Variants in SLCO4A1 observed in about 807,000 individuals in gnomAD.
The protein encoded by SLCO4A1 is colon organic anion transporter.
SLCO4A1 carries 51 observed loss-of-function variants against 64.6 expected under a neutral mutation model. The observed-to-expected ratio is 0.79, with a 90% CI of 0.63 to 1.00. The LOEUF is 1.00. Among genes scored for constraint, SLCO4A1 ranks in the 50% least tolerant of loss-of-function variants. The pLI is 0.00. For missense variants in SLCO4A1, 919 were observed against 980.5 expected (o/e 0.94, Z 0.84); for synonymous variants, 471 against 444.9 (o/e 1.06, Z -0.74).
intron 2 of SLCO4A1, among the ~76,000 whole-genome samples, chr20:62,680,646 T>C (rs998584695): frequency 4.6e-5 from 7 of 151,984 alleles, no homozygotes; most frequent in East Asian, 3.9e-4. Flanking sequence ...AATCCCACAG[T>C]AGATCTTCAG....
downstream of SLCO4A1, among the ~76,000 whole-genome samples, chr20:62,677,194 T>A (rs1457868953): frequency 6.6e-6 from 1 of 152,212 alleles, no homozygotes; most frequent in African/African-American, 2.4e-5. Context: ...AGTGATGAAA[T>A]GTTCTGGAGT....
At chr20:62,655,929 C>T (rs576064621) in intron 1 of SLCO4A1, among the ~76,000 whole-genome samples, 13 of 152,322 alleles carry the variant, frequency 8.5e-5, no homozygotes, top group African/African-American at 2.9e-4. Context: ...TGGCAGGGGA[C>T]GTGGCTGACA....
Position 62,672,085 on chromosome 20 carries a change from C to A in SLCO4A1, c.*192C>A. On this transcript the variant is annotated 3_prime_UTR_variant, in exon 12 of 12. Transcript: ENST00000217159. ...CCCTGCAGTGGGTGGGAGGAACTTGCATAAATATATATTTATGGACACACA... is the reference window on the plus strand; with the variant it reads ...CCCTGCAGTGGGTGGGAGGAACTTGAATAAATATATATTTATGGACACACA... 6.8e-7 allele frequency: 1 copy of A among 1,461,200 alleles called. No homozygotes were observed. The highest frequency in any genetic ancestry group is 1.4e-5 in the South Asian group (1 of 73,238). The allele number at this position is 1,461,200 out of a possible 1,614,324, so 90.5% of individuals were successfully genotyped here.
downstream of SLCO4A1, among the ~76,000 whole-genome samples, chr20:62,686,152 C>T (rs191936547): frequency 2.0e-5 from 3 of 152,304 alleles, no homozygotes; most frequent in East Asian, 1.9e-4. Context: ...CCCATGGAGA[C>T]GGCTCAGAAT....
At chr20:62,689,281 G>A (rs1257112431), downstream of SLCO4A1, among the ~76,000 whole-genome samples, 2 of 149,978 alleles carry the variant, frequency 1.3e-5, no homozygotes, top group African/African-American at 5.0e-5. Flanking sequence ...GCCTGTCCCC[G>A]GCTGTGCCCC....
downstream of SLCO4A1, among the ~76,000 whole-genome samples, chr20:62,688,736 G>A (rs948295307): frequency 6.6e-6 from 1 of 152,190 alleles, no homozygotes; most frequent in Non-Finnish European, 1.5e-5. Context: ...TCCAGCAATG[G>A]CTTTCTGGGC....
intron 7 of SLCO4A1, 199 bp downstream of exon 7, chr20:62,666,774 G>A (rs1250001533): frequency 6.7e-6 from 4 of 599,676 alleles, no homozygotes; most frequent in Non-Finnish European, 1.2e-5. Flanking sequence ...GCCCCCAGCA[G>A]TGCCTGCGCT....
At position 62,645,452 on chromosome 20, in the gene SLCO4A1, G is replaced by A. The variant is rs73145457; in HGVS notation, c.-97+2899G>A. 3.1e-3 allele frequency among the ~76,000 whole-genome samples: 463 copies of A among 148,512 alleles called. 2 individuals carry two copies. Among genetic ancestry groups the A allele is most frequent in the African/African-American group, 0.011 (446 of 40,232 alleles). On this transcript the variant is annotated intron_variant, in intron 1 of 11. Transcript: ENST00000217159. This position sits in a 1 kb window ranked among gnomAD's most constrained non-coding sequence, Gnocchi z 4.2. Reference sequence around the variant, plus strand: ...CCTTCAGGCTACGGTGAGGGTGAGGGTGCGGGTGAGGATGAGGGTGCGGGT... The same window carrying A: ...CCTTCAGGCTACGGTGAGGGTGAGGATGCGGGTGAGGATGAGGGTGCGGGT...
intron 7 of SLCO4A1, 73 bp downstream of exon 7, chr20:62,666,648 T>A: frequency 7.6e-7 from 1 of 1,317,408 alleles, no homozygotes. Flanking sequence ...GGAGGAGGAG[T>A]GGTGCAGCAC....
rs58039100 is a variant in SLCO4A1 at position 62,661,041 on chromosome 20, C to CCCCCCCCCCCCCCCACAA, written c.1010-23_1010-22insCCCCCCCCCCCCCCACAA. On this transcript the variant is annotated intron_variant, in intron 4 of 11. Coordinates refer to ENST00000217159, the MANE Select transcript of SLCO4A1 (RefSeq NM_016354.4). This position sits in a 1 kb window ranked among gnomAD's most constrained non-coding sequence, Gnocchi z 5.2. The stretch of plus-strand genomic sequence containing the variant: ...TCCGGGAGCCCCCAGCCCCCAGCCC[C>CCCCCCCCCCCCCCCACAA]AGCTCACTCTGTGCCCTTCCAGGCT... The CCCCCCCCCCCCCCCACAA allele has an allele frequency of 5.6e-6, 8 of 1,424,134 alleles. No individual in the cohort carries two copies. Among genetic ancestry groups the CCCCCCCCCCCCCCCACAA allele is most frequent in the Non-Finnish European group, 7.9e-6 (8 of 1,010,132 alleles). The allele number at this position is 1,424,134 out of a possible 1,614,324, so 88.2% of individuals were successfully genotyped here.
At chr20:62,687,160 G>GCGATGGAAAGGGCACCCCCAAACAGGCA, downstream of SLCO4A1, among the ~76,000 whole-genome samples, 1 of 144,908 alleles carries the variant, frequency 6.9e-6, no homozygotes, top group African/African-American at 2.6e-5. Context: ...CCAAACAGGA[G>GCGATGGAAAGGGCACCCCCAAACAGGCA]CGATGGAAAG....
At chr20:62,682,926 G>T (rs2427378) in intron 2 of SLCO4A1, among the ~76,000 whole-genome samples, 60,780 of 152,048 alleles carry the variant, frequency 0.4, 12,440 homozygotes, top group African/African-American at 0.45. Flanking sequence ...CAGCATCCTC[G>T]CCAGTCCAGG....
chr20:62,650,995 G>A (rs1982380806), intron 1 of SLCO4A1, among the ~76,000 whole-genome samples: 2 of 152,176 alleles, frequency 1.3e-5, no homozygotes, highest in Admixed American at 1.3e-4. Context: ...GTATCCATGT[G>A]AGGTCTTGGT....
Position 62,667,846 on chromosome 20 carries a change from T to G in SLCO4A1, c.1574T>G (p.Met525Arg). ...YSPVCGSDGL[M>R]YFSLCHAGCP... is the part of the protein sequence containing the mutation. ...CCTGTGTGCGGCTCGGACGGCCTCATGTACTTCTCACTGTGCCACGCAGGG... is the reference window on the plus strand; with the variant it reads ...CCTGTGTGCGGCTCGGACGGCCTCAGGTACTTCTCACTGTGCCACGCAGGG... The change falls in exon 8 of 12, where the codon ATG becomes AGG. Residue 525 changes from methionine to arginine, a missense_variant. Physicochemically the swap from Met to Arg is moderately conservative, Grantham distance 91. Coordinates refer to ENST00000217159, the MANE Select transcript of SLCO4A1 (RefSeq NM_016354.4). 1 of 1,613,622 alleles carries G rather than the reference T, an allele frequency of 6.2e-7. No homozygotes were observed. Among genetic ancestry groups the G allele is most frequent in the Non-Finnish European group, 8.5e-7 (1 of 1,180,034 alleles).
chr20:62,684,786 C>T (rs1379333274), intron 2 of SLCO4A1, among the ~76,000 whole-genome samples: 1 of 152,188 alleles, frequency 6.6e-6, no homozygotes. Flanking sequence ...AGGGCAGCCC[C>T]CACCCCAGCA....
At chr20:62,682,515 C>A (rs910674108) in intron 2 of SLCO4A1, among the ~76,000 whole-genome samples, 1 of 152,112 alleles carries the variant, frequency 6.6e-6, no homozygotes, top group African/African-American at 2.4e-5. Flanking sequence ...GCATGGAGAC[C>A]ACGGAGGGGA....
At chr20:62,674,250 C>A (rs7273739), downstream of SLCO4A1, among the ~76,000 whole-genome samples, 1 of 152,114 alleles carries the variant, frequency 6.6e-6, no homozygotes, top group Non-Finnish European at 1.5e-5. Context: ...CACAGCTGGC[C>A]GCACCTGTCA....
At chr20:62,658,490 A>G (rs909680614) in intron 2 of SLCO4A1, among the ~76,000 whole-genome samples, 187 bp from the exon 3 acceptor site, 1 of 152,224 alleles carries the variant, frequency 6.6e-6, no homozygotes, top group South Asian at 2.1e-4. Context: ...TTAAAGATTG[A>G]TGCTGACCCA....
At chr20:62,664,203 T>A (rs370597801) in intron 5 of SLCO4A1, among the ~76,000 whole-genome samples, 4 of 151,918 alleles carry the variant, frequency 2.6e-5, no homozygotes, top group Admixed American at 1.3e-4. Context: ...GTTCCCACAG[T>A]TCCCCCCAGG....
Sources: gnomAD v4.1 joint callset for allele counts (sites outside exome capture counted in the v4.1 genomes callset) on GRCh38, gnomAD v4.1.1 for gene constraint, Gnocchi (gnomAD v3.1) non-coding constraint, MANE v1.5 for transcripts, NCBI Gene and HGNC (gene_info 2026-07-23, HGNC 2026-07-21) for gene names.